Variants in FAM171A1 observed in about 807,000 individuals in gnomAD.
FAM171A1 encodes protein FAM171A1.
FAM171A1 carries 23 observed loss-of-function variants against 74.9 expected under a neutral mutation model. That is an observed-to-expected ratio of 0.31 (90% CI 0.22 to 0.44). The LOEUF is 0.44. Ranked by LOEUF, FAM171A1 falls within the 20% of genes least tolerant of loss-of-function variation. The pLI is 1.00. For missense variants in FAM171A1, 1,162 were observed against 1,159.2 expected, an observed-to-expected ratio of 1.00 and a Z score of -0.03; for synonymous variants, 527 against 505.7, an observed-to-expected ratio of 1.04 and a Z score of -0.57.
intron 1 of FAM171A1, among the ~76,000 whole-genome samples, chr10:15,322,574 C>A (rs1835499621): frequency 6.6e-6 from 1 of 152,184 alleles, no homozygotes; most frequent in Admixed American, 6.5e-5. Flanking sequence ...CTGGTACTAT[C>A]AGTCATTGTT....
chr10:15,229,780 CCAT>C lies in FAM171A1; in HGVS notation c.755-8723_755-8721del, dbSNP rs1834172794. On this transcript the variant is annotated intron_variant, in intron 5 of 7. Transcript: ENST00000378116. ...ACCATCACCACCATCACCATCATCA[CCAT>C]CACCACCATCACCATCATCACCATC... Among the ~76,000 whole-genome samples the C allele has an allele frequency of 7.4e-4, 10 of 13,438 alleles. 1 individual carries two copies. Among genetic ancestry groups the C allele is most frequent in the Admixed American group, 5.7e-3 (8 of 1,402 alleles). The allele number at this position is 13,438 out of a possible 152,430, so 8.8% of individuals were successfully genotyped here. A position where few individuals can be genotyped will look rare whatever the true frequency, so the allele number is the denominator to read the frequency against.
At chr10:15,326,911 G>A (rs901910377) in intron 1 of FAM171A1, among the ~76,000 whole-genome samples, 1 of 152,050 alleles carries the variant, frequency 6.6e-6, no homozygotes, top group Non-Finnish European at 1.5e-5. Context: ...TACAGGCGTG[G>A]CCCACGACAC....
At chr10:15,234,421 G>A (rs1482729490) in intron 5 of FAM171A1, among the ~76,000 whole-genome samples, 2 of 152,198 alleles carry the variant, frequency 1.3e-5, no homozygotes, top group African/African-American at 2.4e-5. Context: ...CACAAGCAAA[G>A]CAGCCAAAGC....
chr10:15,211,816 C>T lies in FAM171A1; in HGVS notation c.*1099G>A, dbSNP rs1475870082. Reference sequence around the variant, plus strand: ...ATTCAGCTCGCTTGCTCAAACCAGACTCCCACATTGGGTGAGCAAGATGAG... The same window carrying T: ...ATTCAGCTCGCTTGCTCAAACCAGATTCCCACATTGGGTGAGCAAGATGAG... On this transcript the variant is annotated 3_prime_UTR_variant, in exon 8 of 8. Coordinates refer to ENST00000378116, the MANE Select transcript of FAM171A1 (RefSeq NM_001010924.2). 2 of 152,042 alleles carry T rather than the reference C, an allele frequency of 1.3e-5. No homozygotes were observed. Among genetic ancestry groups the T allele is most frequent in the South Asian group, 2.1e-4 (1 of 4,812 alleles). 9.4% of individuals were successfully genotyped at this position (152,042 alleles called of 1,614,324 possible).
At chr10:15,358,242 T>C (rs765858878) in intron 1 of FAM171A1, among the ~76,000 whole-genome samples, 2 of 152,112 alleles carry the variant, frequency 1.3e-5, no homozygotes, top group Non-Finnish European at 2.9e-5. Context: ...TCCCAAAGTG[T>C]TGGGATTACA....
chr10:15,245,062 CTTAT>C (rs201613669), intron 5 of FAM171A1, among the ~76,000 whole-genome samples: 1 of 148,652 alleles, frequency 6.7e-6, no homozygotes, highest in South Asian at 2.1e-4. Flanking sequence ...TTTTTTTTTT[CTTAT>C]TTATTTATTT....
chr10:15,362,245 C>A (rs1465697320), intron 1 of FAM171A1, among the ~76,000 whole-genome samples: 1 of 152,216 alleles, frequency 6.6e-6, no homozygotes, highest in African/African-American at 2.4e-5. Context: ...CACTAAAGCA[C>A]CAGTATTGTC....
chr10:15,309,370 G>T (rs1182713646), intron 1 of FAM171A1, among the ~76,000 whole-genome samples: 4 of 152,112 alleles, frequency 2.6e-5, no homozygotes, highest in Admixed American at 6.6e-5. Flanking sequence ...ACCATGTCTG[G>T]TTGTTATTTT....
At chr10:15,232,945 T>C (rs959347936) in intron 5 of FAM171A1, among the ~76,000 whole-genome samples, 1 of 152,240 alleles carries the variant, frequency 6.6e-6, no homozygotes, top group Admixed American at 6.5e-5. Context: ...TGTTGGTTTA[T>C]AGGAATACCT....
intron 2 of FAM171A1, among the ~76,000 whole-genome samples, chr10:15,279,137 C>T (rs936595481): frequency 6.6e-6 from 1 of 152,192 alleles, no homozygotes; most frequent in Non-Finnish European, 1.5e-5. Context: ...CCGAAATCAC[C>T]TGTGATCATC....
intron 1 of FAM171A1, among the ~76,000 whole-genome samples, chr10:15,356,465 G>C (rs10737097): frequency 0.45 from 68,091 of 151,862 alleles, 15,707 homozygotes; most frequent in East Asian, 0.79. Context: ...ATGTTCTGGA[G>C]AGAAATGAAA....
chr10:15,212,596 T>G lies in FAM171A1; in HGVS notation c.*319A>C. On this transcript the variant is annotated 3_prime_UTR_variant, in exon 8 of 8. Transcript: ENST00000378116. ...CCCAGAATCCGAGGGAGAACTGAGG[T>G]GATCGTTAGAGCATAGCGACATCAC... 1 of 345,730 alleles carries G rather than the reference T, an allele frequency of 2.9e-6. No homozygotes were observed. Among genetic ancestry groups the G allele is most frequent in the Non-Finnish European group, 5.3e-6 (1 of 189,576 alleles). 21.4% of individuals were successfully genotyped at this position (345,730 alleles called of 1,614,324 possible). A position where few individuals can be genotyped will look rare whatever the true frequency, so the allele number is the denominator to read the frequency against.
chr10:15,250,048 A>C (rs1034966132), intron 4 of FAM171A1, among the ~76,000 whole-genome samples: 1 of 152,244 alleles, frequency 6.6e-6, no homozygotes, highest in Non-Finnish European at 1.5e-5. Context: ...GTAAACCTCC[A>C]ATCTGGTCTA....
At chr10:15,237,773 AT>A (rs1834312081) in intron 5 of FAM171A1, 1 of 80,624 alleles carries the variant, frequency 1.2e-5, no homozygotes. Flanking sequence ...TTGCAGGTAC[AT>A]TACCCCCTTT....
At chr10:15,351,270 T>C (rs1197244948) in intron 1 of FAM171A1, among the ~76,000 whole-genome samples, 1 of 151,806 alleles carries the variant, frequency 6.6e-6, no homozygotes, top group African/African-American at 2.4e-5. Context: ...GACTGAAGAG[T>C]CCCTGCGCAG....
At position 15,283,365 on chromosome 10, in the gene FAM171A1, T is replaced by C. The variant is rs140789685; in HGVS notation, c.325+513A>G. On this transcript the variant is annotated intron_variant, in intron 2 of 7. Transcript: ENST00000378116. Reference sequence around the variant, plus strand: ...TTCTCCAAGACCTGCTTAATATCTCTCAGGTTTATCCCCTTTTCTTATGAA... The same window carrying C: ...TTCTCCAAGACCTGCTTAATATCTCCCAGGTTTATCCCCTTTTCTTATGAA... Among the ~76,000 whole-genome samples the C allele has an allele frequency of 6.6e-4, 100 of 152,296 alleles. No individual in the cohort carries two copies. In the East Asian group the frequency reaches 0.019, roughly 29 times the overall value.
chr10:15,278,623 A>G (rs1834926176), intron 2 of FAM171A1, among the ~76,000 whole-genome samples: 1 of 152,214 alleles, frequency 6.6e-6, no homozygotes, highest in African/African-American at 2.4e-5. Context: ...TCTTGGAAAC[A>G]TCAGGCTGAG....
At chr10:15,297,776 C>T (rs910803238) in intron 1 of FAM171A1, among the ~76,000 whole-genome samples, 16 of 152,288 alleles carry the variant, frequency 1.1e-4, no homozygotes, top group African/African-American at 3.4e-4. Flanking sequence ...GGCTAAGAAT[C>T]CTGTTACCCT....
intron 4 of FAM171A1, among the ~76,000 whole-genome samples, chr10:15,252,628 G>A (rs781150668): frequency 2.0e-5 from 3 of 152,188 alleles, no homozygotes; most frequent in African/African-American, 4.8e-5. Context: ...CCCCGAGGGC[G>A]CGTGTGAATT....
Sources: gnomAD v4.1 joint callset for allele counts (sites outside exome capture counted in the v4.1 genomes callset) on GRCh38, gnomAD v4.1.1 for gene constraint, MANE v1.5 for transcripts, NCBI Gene and HGNC (gene_info 2026-07-23, HGNC 2026-07-21) for gene names.